The following MAST2 variants were observed in gnomAD, a reference collection of about 807,000 sequenced individuals.
MAST2 encodes microtubule-associated serine/threonine-protein kinase 2.
MAST2 carries 70 observed loss-of-function variants against 147.4 expected under a neutral mutation model. The ratio of observed to expected loss-of-function variants is 0.47; its 90% CI spans 0.39 to 0.58. MAST2 has a LOEUF of 0.58. Ranked by LOEUF, MAST2 falls within the 20% of genes least tolerant of loss-of-function variation. MAST2 has a pLI of 0.00. For missense variants in MAST2, 2,080 were observed against 2,302.3 expected (o/e 0.90, Z 1.98); for synonymous variants, 869 against 896.8 (o/e 0.97, Z 0.55).
intron 5 of MAST2, among the ~76,000 whole-genome samples, chr1:45,995,275 T>C (rs780195713): frequency 6.6e-6 from 1 of 152,224 alleles, no homozygotes; most frequent in Non-Finnish European, 1.5e-5. Flanking sequence ...CACCAAGCTC[T>C]AGCCACTCTA....
intron 3 of MAST2, among the ~76,000 whole-genome samples, chr1:45,837,163 T>C (rs1645127487): frequency 6.6e-6 from 1 of 151,126 alleles, no homozygotes. Flanking sequence ...TATATAATGC[T>C]CACCCTCATA....
At chr1:45,990,334 A>C (rs950127649) in intron 5 of MAST2, among the ~76,000 whole-genome samples, 1 of 152,122 alleles carries the variant, frequency 6.6e-6, no homozygotes, top group Non-Finnish European at 1.5e-5. Flanking sequence ...TGCTATCTGT[A>C]TATCTTTGGT....
At position 46,009,266 on chromosome 1, in the gene MAST2, C is replaced by T. The variant is rs144399786; in HGVS notation, c.978+895C>T. ...GATGGGTTTTGCCATGTTGGCCAGG[C>T]TGGTCTCGAAATCCTGACCTCAGGT... On this transcript the variant is annotated intron_variant, in intron 9 of 28. Coordinates refer to ENST00000361297, the MANE Select transcript of MAST2 (RefSeq NM_015112.3). Among the ~76,000 whole-genome samples the T allele has an allele frequency of 1.1e-3, 169 of 152,242 alleles. 1 individual carries two copies. In the East Asian group the frequency reaches 0.029, roughly 26 times the overall value.
chr1:45,932,630 A>C (rs1655493249), intron 4 of MAST2, among the ~76,000 whole-genome samples: 1 of 152,100 alleles, frequency 6.6e-6, no homozygotes, highest in African/African-American at 2.4e-5. Context: ...CCAAGATCGC[A>C]CCACTGCACT....
At chr1:45,976,026 G>C (rs12756048) in intron 5 of MAST2, among the ~76,000 whole-genome samples, 1 of 150,888 alleles carries the variant, frequency 6.6e-6, no homozygotes, top group African/African-American at 2.4e-5. Flanking sequence ...CCAGGCTGGA[G>C]TGCAGTGGTG....
At position 45,899,161 on chromosome 1, in the gene MAST2, T is replaced by C. The variant is rs552571369; in HGVS notation, c.500+16766T>C. On this transcript the variant is annotated intron_variant, in intron 4 of 28. Coordinates refer to ENST00000361297, the MANE Select transcript of MAST2 (RefSeq NM_015112.3). The stretch of plus-strand genomic sequence containing the variant: ...AGAGGAGTAGTCTTCCAAAGCAGGA[T>C]GATGGTTTTCATTTACCTTGGAATT... Among the ~76,000 whole-genome samples, 9 of 152,320 alleles carry C rather than the reference T, an allele frequency of 5.9e-5. No homozygotes were observed. In the East Asian group the frequency reaches 1.7e-3, roughly 29 times the overall value.
At chr1:45,879,431 G>C (rs866409017) in intron 3 of MAST2, among the ~76,000 whole-genome samples, 16 of 151,912 alleles carry the variant, frequency 1.1e-4, no homozygotes, top group Non-Finnish European at 2.2e-4. Context: ...AAATTAGCTG[G>C]GCATGGTGAT....
Position 46,035,797 on chromosome 1 carries a change from G to T in MAST2, c.5128G>T (p.Ala1710Ser), listed in dbSNP as rs1275065087. 8 of 1,614,106 alleles carry T rather than the reference G, an allele frequency of 5.0e-6. No individual in the cohort carries two copies. The highest frequency in any genetic ancestry group is 1.7e-5 in the Admixed American group (1 of 60,014). The part of the protein sequence containing the change: ...REQGKTQPPS[A>S]PRLAHPSYED... Reference sequence around the variant, plus strand: ...GCAGGGGAAGACACAGCCACCTAGTGCCCCCAGACTGGCCCATCCATCTTA... The same window carrying T: ...GCAGGGGAAGACACAGCCACCTAGTTCCCCCAGACTGGCCCATCCATCTTA... Residue 1710 changes from alanine to serine, a missense_variant, in exon 29 of 29, where the codon GCC becomes TCC. Transcript: ENST00000361297. This position sits in a 1 kb window ranked among gnomAD's most constrained non-coding sequence, Gnocchi z 5.5.
intron 4 of MAST2, among the ~76,000 whole-genome samples, chr1:45,935,034 TC>T (rs1211094386): frequency 6.6e-6 from 1 of 152,234 alleles, no homozygotes; most frequent in Admixed American, 6.5e-5. Context: ...TACAAGAATT[TC>T]CTTTTGTCTG....
At chr1:45,943,572 A>C (rs1187001094) in intron 4 of MAST2, among the ~76,000 whole-genome samples, 1 of 152,156 alleles carries the variant, frequency 6.6e-6, no homozygotes, top group Non-Finnish European at 1.5e-5. Context: ...TTAGTTTAAG[A>C]ATAGGTTTTG....
In MAST2 at chr1:45,832,258, C is replaced by T. The variant is rs567982357; in HGVS notation, c.468+2677C>T. 2.6e-5 allele frequency among the ~76,000 whole-genome samples: 4 copies of T among 151,902 alleles called. No individual in the cohort carries two copies. In the South Asian group the frequency reaches 8.3e-4, roughly 32 times the overall value. ...CTCCTAGAGATTTTGATCCAGATGT[C>T]TGGGGTTAGTCACAAGCATCTGTGT... On this transcript the variant is annotated intron_variant, in intron 3 of 28. Transcript: ENST00000361297.
chr1:46,000,465 C>T (rs558592743), intron 6 of MAST2, among the ~76,000 whole-genome samples: 116 of 152,284 alleles, frequency 7.6e-4, no homozygotes, highest in Non-Finnish European at 1.2e-3. Flanking sequence ...GCAGAGGGAA[C>T]AGCCTGTTCC....
At chr1:46,030,968 A>G in intron 22 of MAST2, 39 bp from the exon 23 acceptor site, 2 of 1,594,164 alleles carry the variant, frequency 1.3e-6, no homozygotes, top group East Asian at 2.2e-5. Flanking sequence ...GAGGAGGGGG[A>G]CCACCTGGGT....
Position 46,030,111 on chromosome 1 carries a change from C to T in MAST2, c.2444-18C>T, listed in dbSNP as rs780555434. ...CCAGCAGGGCTCTGAAGGAAAGTGTCCTTTATGTCTGGCCCAGCCCGCTCA... is the reference window on the plus strand; with the variant it reads ...CCAGCAGGGCTCTGAAGGAAAGTGTTCTTTATGTCTGGCCCAGCCCGCTCA... On this transcript the variant is annotated intron_variant, in intron 20 of 28. Transcript: ENST00000361297. 1 of 1,613,242 alleles carries T rather than the reference C, an allele frequency of 6.2e-7. No homozygotes were observed. The highest frequency in any genetic ancestry group is 1.7e-5 in the Admixed American group (1 of 60,022).
intron 4 of MAST2, among the ~76,000 whole-genome samples, chr1:45,887,354 T>C (rs1014789913): frequency 6.6e-6 from 1 of 152,182 alleles, no homozygotes; most frequent in Non-Finnish European, 1.5e-5. Flanking sequence ...GAGGTAGCTG[T>C]TGGTTGCATT....
chr1:45,908,035 TTC>T (rs948459882), intron 4 of MAST2, among the ~76,000 whole-genome samples: 3 of 152,172 alleles, frequency 2.0e-5, no homozygotes, highest in Admixed American at 6.5e-5. Flanking sequence ...GATTTATGTT[TTC>T]TCTCCTTTTC....
intron 3 of MAST2, among the ~76,000 whole-genome samples, chr1:45,875,502 T>C (rs1646567539): frequency 6.6e-6 from 1 of 152,172 alleles, no homozygotes; most frequent in South Asian, 2.1e-4. Context: ...CCCACAGTTA[T>C]CACTCAGAAA....
At chr1:46,005,233 A>G (rs1645438023) in intron 7 of MAST2, among the ~76,000 whole-genome samples, 1 of 152,174 alleles carries the variant, frequency 6.6e-6, no homozygotes, top group Admixed American at 6.5e-5. Context: ...ATGGTGGCAC[A>G]TGCCTGTAAT....
chr1:45,866,400 G>A (rs1310555149), intron 3 of MAST2, among the ~76,000 whole-genome samples: 2 of 152,208 alleles, frequency 1.3e-5, no homozygotes, highest in Non-Finnish European at 2.9e-5. Flanking sequence ...CCTCTCATAA[G>A]TAGTGATGTA....
Sources: gnomAD v4.1 joint callset for allele counts (sites outside exome capture counted in the v4.1 genomes callset) on GRCh38, gnomAD v4.1.1 for gene constraint, Gnocchi (gnomAD v3.1) non-coding constraint, MANE v1.5 for transcripts, NCBI Gene and HGNC (gene_info 2026-07-23, HGNC 2026-07-21) for gene names.